Variants in GARIN5B observed in about 807,000 individuals in gnomAD.
The protein encoded by GARIN5B is golgi associated RAB2 interactor family member 5B.
At chr19:55,355,481 A>T in the GARIN5B span, 1 of 796,468 alleles carries the variant, frequency 1.3e-6, no homozygotes, top group African/African-American at 1.7e-5. Context: ...TGTTTGGCTC[A>T]CTGTTGTATC....
At chr19:55,356,614 A>G in the GARIN5B span, among the ~76,000 whole-genome samples, 194 of 152,042 alleles carry the variant, frequency 1.3e-3, no homozygotes, top group African/African-American at 4.4e-3. Flanking sequence ...TTGTTTTCAC[A>G]TTTTGTAGAG....
the GARIN5B span, chr19:55,355,171 C>A: frequency 4.0e-5 from 4 of 100,248 alleles, no homozygotes; most frequent in African/African-American, 1.1e-4. Flanking sequence ...GTCCTCCCCC[C>A]TCCGTTACCC....
At chr19:55,362,676 C>T in the GARIN5B span, 2 of 1,545,324 alleles carry the variant, frequency 1.3e-6, no homozygotes, top group Non-Finnish European at 1.7e-6. Context: ...CGGCCACGCC[C>T]ATGGCCAGCC....
chr19:55,361,352 C>T, the GARIN5B span: 48 of 1,541,190 alleles, frequency 3.1e-5, no homozygotes, highest in South Asian at 5.7e-4. Context: ...AAGGGTGCAG[C>T]TCTGTCCCTG....
chr19:55,361,329 G>C, the GARIN5B span: 5 of 1,541,296 alleles, frequency 3.2e-6, no homozygotes, highest in South Asian at 1.2e-5. Context: ...CACCAAGGAA[G>C]GGGGAAGAGC....
chr19:55,362,794 C>G, the GARIN5B span: 3 of 1,495,206 alleles, frequency 2.0e-6, no homozygotes, highest in Non-Finnish European at 2.7e-6. Flanking sequence ...CAGCCTGAGC[C>G]TCCCTCCTGA....
At chr19:55,358,423 C>T in the GARIN5B span, 6 of 1,509,022 alleles carry the variant, frequency 4.0e-6, no homozygotes, top group Middle Eastern at 1.7e-4. Flanking sequence ...GGGGGATAGG[C>T]GCCTGGGAGA....
At chr19:55,357,051 C>T in the GARIN5B span, among the ~76,000 whole-genome samples, 3 of 152,146 alleles carry the variant, frequency 2.0e-5, no homozygotes, top group South Asian at 2.1e-4. Flanking sequence ...AGCAAGACTC[C>T]GTCAGAAAAG....
the GARIN5B span, chr19:55,362,429 G>A: frequency 1.2e-5 from 19 of 1,550,234 alleles, no homozygotes; most frequent in Middle Eastern, 1.7e-4. Flanking sequence ...CTGGCGGCCC[G>A]AGACCAGGCG....
the GARIN5B span, chr19:55,359,210 G>A: frequency 1.1e-4 from 165 of 1,551,162 alleles, no homozygotes; most frequent in East Asian, 7.1e-4. Context: ...TGAGGCAGGC[G>A]GGCTCAGCGC....
the GARIN5B span, chr19:55,362,509 A>T: frequency 7.3e-7 from 1 of 1,367,224 alleles, no homozygotes; most frequent in Non-Finnish European, 9.7e-7. Context: ...TCATCCTGGG[A>T]GAGGGAGAGG....
chr19:55,359,080 C>T, the GARIN5B span: 1 of 1,551,348 alleles, frequency 6.4e-7, no homozygotes, highest in Non-Finnish European at 8.7e-7. Flanking sequence ...CCACGTCTGT[C>T]TCCTGGGTGC....
the GARIN5B span, chr19:55,362,796 C>T: frequency 2.1e-5 from 31 of 1,491,438 alleles, no homozygotes; most frequent in South Asian, 3.8e-4. Context: ...GCCTGAGCCT[C>T]CCTCCTGATC....
At chr19:55,360,529 GTT>G in the GARIN5B span, among the ~76,000 whole-genome samples, 1 of 117,168 alleles carries the variant, frequency 8.5e-6, no homozygotes, top group Non-Finnish European at 1.8e-5. Context: ...CCAGGCCGCA[GTT>G]CCTCCTCCCT....
chr19:55,359,807 G>T, the GARIN5B span: 1 of 1,551,420 alleles, frequency 6.4e-7, no homozygotes, highest in Non-Finnish European at 8.7e-7. Flanking sequence ...AGACGACAAA[G>T]TGCTGCCCCC....
chr19:55,363,024 C>T, the GARIN5B span: 1 of 1,496,842 alleles, frequency 6.7e-7, no homozygotes, highest in Non-Finnish European at 8.9e-7. The surrounding 1 kb of genome is among the most constrained non-coding windows in gnomAD (Gnocchi z 4.0). Flanking sequence ...TTCGGGGTGC[C>T]CTGGAGCGGC....
the GARIN5B span, chr19:55,362,807 G>A: frequency 7.4e-5 from 110 of 1,487,046 alleles, no homozygotes; most frequent in South Asian, 1.2e-3. Flanking sequence ...CCTCCTGATC[G>A]TCCCCCACAC....
chr19:55,358,681 C>T, the GARIN5B span: 23 of 1,551,304 alleles, frequency 1.5e-5, no homozygotes, highest in Middle Eastern at 3.3e-4. Context: ...ACGTGGCCGA[C>T]GCCTGCGGAG....
At chr19:55,360,764 T>A in the GARIN5B span, 1 of 1,551,710 alleles carries the variant, frequency 6.4e-7, no homozygotes, top group East Asian at 2.4e-5. Context: ...GTGATGCTGG[T>A]CTTCTCTGGA....
Sources: allele counts gnomAD v4.1 joint callset (sites outside exome capture counted in the v4.1 genomes callset), GRCh38; gene constraint gnomAD v4.1.1; non-coding constraint Gnocchi (gnomAD v3.1); transcripts MANE v1.5; gene names NCBI Gene and HGNC (gene_info 2026-07-23, HGNC 2026-07-21).